Variants in CHRNA5 observed in about 807,000 individuals in gnomAD.
CHRNA5 encodes cholinergic receptor nicotinic alpha 5 subunit, also known as neuronal acetylcholine receptor subunit alpha-5.
CHRNA5 carries 28 observed loss-of-function variants against 41.2 expected under a neutral mutation model. The ratio of observed to expected loss-of-function variants is 0.68; its 90% CI spans 0.50 to 0.93. The LOEUF (loss-of-function observed/expected upper bound fraction) is 0.93. CHRNA5 is among the 40% of genes least tolerant of loss of function. CHRNA5 has a pLI of 0.00. For missense variants in CHRNA5, 481 were observed against 581.9 expected (o/e 0.83, Z 1.78); for synonymous variants, 188 against 205.8 (o/e 0.91, Z 0.74).
chr15:78,569,892 C>T (rs977973780), intron 1 of CHRNA5, among the ~76,000 whole-genome samples: 4 of 151,688 alleles, frequency 2.6e-5, no homozygotes, highest in Non-Finnish European at 2.9e-5. Context: ...ATGATCTTGT[C>T]TCACTGCAGC....
intron 1 of CHRNA5, among the ~76,000 whole-genome samples, chr15:78,567,724 C>G (rs1041394060): frequency 7.9e-5 from 12 of 152,212 alleles, no homozygotes; most frequent in African/African-American, 2.9e-4. Flanking sequence ...AGTATTACCT[C>G]TCTGGATATT....
Position 78,590,874 on chromosome 15 carries a change from T to C in CHRNA5, c.1245+238T>C, listed in dbSNP as rs2053006857. ...CTTCTCCACTTCCCCCATCAGCATC[T>C]TGGATAACTCTAAAGAAAATTTAGT... On this transcript the variant is annotated intron_variant, in intron 5 of 5. Transcript: ENST00000299565. 8.0e-6 allele frequency: 4 copies of C among 498,834 alleles called. No homozygotes were observed. The South Asian group carries it at 8.0e-5, about 10-fold the overall frequency. The allele number at this position is 498,834 out of a possible 1,614,324, so 30.9% of individuals were successfully genotyped here.
intron 1 of CHRNA5, among the ~76,000 whole-genome samples, chr15:78,577,058 T>C (rs1360476153): frequency 6.6e-6 from 1 of 152,178 alleles, no homozygotes; most frequent in East Asian, 1.9e-4. Context: ...CTGATAAATG[T>C]TTGTTAAATG....
At chr15:78,585,559 A>AT (rs1372814407) in intron 2 of CHRNA5, among the ~76,000 whole-genome samples, 2 of 151,908 alleles carry the variant, frequency 1.3e-5, no homozygotes, top group African/African-American at 4.8e-5. Context: ...TCTTTTGTTG[A>AT]TTCTCCTGGC....
chr15:78,586,521 T>G (rs1485720547), intron 2 of CHRNA5, 124 bp from the exon 3 acceptor site: 3 of 593,768 alleles, frequency 5.1e-6, no homozygotes, highest in African/African-American at 1.9e-5. Context: ...AGAACCAGAT[T>G]GATGAATGAA....
chr15:78,594,040 A>AAAT (rs904995032), exon 6 of CHRNA5: 1 of 152,178 alleles, frequency 6.6e-6, no homozygotes, highest in Admixed American at 6.5e-5. Flanking sequence ...ACTCAGTCTC[A>AAAT]AATAATAATA....
chr15:78,581,978 A>G (rs1256464414), intron 2 of CHRNA5, among the ~76,000 whole-genome samples: 1 of 152,192 alleles, frequency 6.6e-6, no homozygotes, highest in Non-Finnish European at 1.5e-5. Context: ...TCTTATTATA[A>G]TTAACAATGA....
chr15:78,592,851 C>T (rs1053769431), intron 5 of CHRNA5, among the ~76,000 whole-genome samples: 6 of 151,964 alleles, frequency 3.9e-5, no homozygotes, highest in Non-Finnish European at 4.4e-5. Flanking sequence ...TCAAAATAAA[C>T]CACTTGTAAT....
intron 5 of CHRNA5, among the ~76,000 whole-genome samples, chr15:78,591,588 CAG>C (rs2053015578): frequency 6.6e-6 from 1 of 152,106 alleles, no homozygotes; most frequent in Admixed American, 6.6e-5. Context: ...TATGAGGAGA[CAG>C]AATAAATCTG....
intron 1 of CHRNA5, among the ~76,000 whole-genome samples, chr15:78,567,982 G>A (rs945603480): frequency 6.6e-6 from 1 of 152,206 alleles, no homozygotes; most frequent in South Asian, 2.1e-4. Flanking sequence ...TTCCTTGGAC[G>A]TATTACTTGA....
intron 2 of CHRNA5, among the ~76,000 whole-genome samples, chr15:78,585,362 C>A (rs2052949572): frequency 6.6e-6 from 1 of 152,166 alleles, no homozygotes; most frequent in South Asian, 2.1e-4. Flanking sequence ...CTTCTGGTCT[C>A]TTCCTTTGTC....
chr15:78,590,418 T>G (rs202070829), exon 5 of CHRNA5: 1 of 1,614,212 alleles, frequency 6.2e-7, no homozygotes, highest in Non-Finnish European at 8.5e-7. Flanking sequence ...TCGTTCTTCC[T>G]CAACACATAA....
intron 1 of CHRNA5, among the ~76,000 whole-genome samples, chr15:78,579,797 G>A (rs1391760794): frequency 6.6e-6 from 1 of 152,116 alleles, no homozygotes; most frequent in Non-Finnish European, 1.5e-5. Flanking sequence ...AGTAGATTGG[G>A]AGGCTCAACC....
chr15:78,568,927 T>C (rs917057302), intron 1 of CHRNA5, among the ~76,000 whole-genome samples: 1 of 151,936 alleles, frequency 6.6e-6, no homozygotes, highest in Non-Finnish European at 1.5e-5. Context: ...TCATAGAAAA[T>C]GAGAGCTATG....
intron 2 of CHRNA5, among the ~76,000 whole-genome samples, chr15:78,584,351 A>C (rs1305685562): frequency 6.6e-6 from 1 of 152,146 alleles, no homozygotes; most frequent in Non-Finnish European, 1.5e-5. Context: ...TTACCCCTGA[A>C]ACTCTTCTGC....
chr15:78,593,310 C>A, exon 6 of CHRNA5: 1 of 1,457,076 alleles, frequency 6.9e-7, no homozygotes, highest in East Asian at 2.4e-5. Flanking sequence ...CTGATGGCAC[C>A]TATAAAATTA....
In CHRNA5 at chr15:78,588,530, T is replaced by A; in HGVS notation, c.413+107T>A. 1 of 526,520 alleles carries A rather than the reference T, an allele frequency of 1.9e-6. No homozygotes were observed. Among genetic ancestry groups the A allele is most frequent in the Non-Finnish European group, 3.2e-6 (1 of 307,788 alleles). The allele number at this position is 526,520 out of a possible 1,614,324, so 32.6% of individuals were successfully genotyped here. ...TTTTGAAATTGTTTAGGTATAAAAA[T>A]CAAATGACATGACCGCATGTGCCTG... On this transcript the variant is annotated intron_variant, in intron 4 of 5. Coordinates refer to ENST00000299565, the Ensembl canonical transcript of CHRNA5. This position sits in a 1 kb window ranked among gnomAD's most constrained non-coding sequence, Gnocchi z 4.1.
chr15:78,566,099 C>G (rs1301549657), intron 1 of CHRNA5, among the ~76,000 whole-genome samples: 1 of 152,128 alleles, frequency 6.6e-6, no homozygotes, highest in East Asian at 1.9e-4. Context: ...TTCCACACAA[C>G]TTTTTCAGTA....
At chr15:78,570,422 C>CTCTTTTTTTTT (rs1567050748) in intron 1 of CHRNA5, among the ~76,000 whole-genome samples, 3 of 66,288 alleles carry the variant, frequency 4.5e-5, no homozygotes, top group East Asian at 1.3e-3. Context: ...CCAATCCCGG[C>CTCTTTTTTTTT]TATTTTTTTT....
Sources: allele counts gnomAD v4.1 joint callset (sites outside exome capture counted in the v4.1 genomes callset), GRCh38; gene constraint gnomAD v4.1.1; non-coding constraint Gnocchi (gnomAD v3.1); transcripts MANE v1.5; gene names NCBI Gene and HGNC (gene_info 2026-07-23, HGNC 2026-07-21).